The following LAMA2 variants were observed in gnomAD, a reference collection of about 807,000 sequenced individuals.
The protein encoded by LAMA2 is laminin subunit alpha-2.
A neutral mutation model predicts 364.8 loss-of-function variants in LAMA2; 269 were observed. The observed-to-expected ratio is 0.74, with a 90% CI of 0.67 to 0.82. The LOEUF (loss-of-function observed/expected upper bound fraction) is 0.82. Among genes scored for constraint, LAMA2 ranks in the 40% least tolerant of loss-of-function variants. The pLI is 0.00. For missense variants in LAMA2, 3,807 were observed against 3,873.2 expected, an observed-to-expected ratio of 0.98 and a Z score of 0.45; for synonymous variants, 1,379 against 1,370.6, an observed-to-expected ratio of 1.01 and a Z score of -0.14.
chr6:129,051,695 TCGATCTATAGATATCTATATCTATAG>T (rs1788045110), intron 2 of LAMA2, among the ~76,000 whole-genome samples: 1 of 98,198 alleles, frequency 1.0e-5, no homozygotes, highest in Non-Finnish European at 2.3e-5. Context: ...TATCTATAGA[TCGATCTATAGATATCTATATCTATAG>T]ATAGATATAT....
rs1562873136 is a variant in LAMA2, at chr6:128,961,354, T to TATATATATATTATATATATATATATA, written c.112+78007_112+78008insTATATATATATATATAATATATATAT. Among the ~76,000 whole-genome samples, 38 of 77,604 alleles carry TATATATATATTATATATATATATATA rather than the reference T, an allele frequency of 4.9e-4. 1 individual carries two copies. The highest frequency in any genetic ancestry group is 1.7e-3 in the African/African-American group (36 of 21,812). 50.9% of individuals were successfully genotyped at this position (77,604 alleles called of 152,430 possible). On this transcript the variant is annotated intron_variant, in intron 1 of 64. Transcript: ENST00000421865. ...ATATATATATATATATATATATATA[T>TATATATATATTATATATATATATATA]ATATATATATATATTAGTTTATTAA... is the stretch of plus-strand genomic sequence containing the variant.
rs145259006 is a variant in LAMA2, at chr6:129,094,914, G to A, written c.397-3259G>A. ...CTAATAGGACAAATACTCCAGGAAC[G>A]TATGCCTTAGTTCCTGCAGATGACA... On this transcript the variant is annotated intron_variant, in intron 3 of 64. Coordinates refer to ENST00000421865, the MANE Select transcript of LAMA2 (RefSeq NM_000426.4). Among the ~76,000 whole-genome samples the A allele has an allele frequency of 5.8e-3, 883 of 152,244 alleles. 8 individuals are homozygous for A. Among genetic ancestry groups the A allele is most frequent in the Non-Finnish European group, 8.2e-3 (560 of 68,020 alleles).
At chr6:129,004,499 TA>T (rs1462905597) in intron 1 of LAMA2, among the ~76,000 whole-genome samples, 8 of 151,682 alleles carry the variant, frequency 5.3e-5, no homozygotes, top group Admixed American at 2.0e-4. Context: ...GACTTGCACC[TA>T]TATGTACTTC....
At chr6:129,270,812 A>T in intron 17 of LAMA2, 61 bp downstream of exon 17, 1 of 1,500,550 alleles carries the variant, frequency 6.7e-7, no homozygotes, top group Non-Finnish European at 9.3e-7. Flanking sequence ...TACACTTTTC[A>T]TAGCAAATAT....
chr6:129,163,396 G>T (rs770433794), intron 8 of LAMA2, among the ~76,000 whole-genome samples: 23 of 152,164 alleles, frequency 1.5e-4, no homozygotes, highest in Non-Finnish European at 2.9e-4. Flanking sequence ...TACTTTGGAA[G>T]GCCGAAGCAG....
At chr6:128,938,834 C>T (rs1297089360) in intron 1 of LAMA2, among the ~76,000 whole-genome samples, 3 of 152,074 alleles carry the variant, frequency 2.0e-5, no homozygotes, top group Admixed American at 2.0e-4. Flanking sequence ...ACTCCCAAAC[C>T]TACTCCATGT....
intron 3 of LAMA2, among the ~76,000 whole-genome samples, chr6:129,083,018 AT>A (rs1472262474): frequency 6.6e-6 from 1 of 151,940 alleles, no homozygotes; most frequent in Non-Finnish European, 1.5e-5. Context: ...TTTTTATCTT[AT>A]AAAAAATAGT....
intron 1 of LAMA2, among the ~76,000 whole-genome samples, chr6:128,897,324 A>G (rs1026456683): frequency 2.6e-5 from 4 of 152,208 alleles, no homozygotes; most frequent in African/African-American, 4.8e-5. Flanking sequence ...AGAAGAGTCT[A>G]TGAACTTTTT....
At chr6:129,478,565 C>T (rs901841862) in intron 53 of LAMA2, 128 bp from the exon 54 acceptor site, 10 of 934,384 alleles carry the variant, frequency 1.1e-5, no homozygotes, top group South Asian at 6.8e-5. Context: ...GCTGGGTACA[C>T]GTGTGCACAG....
intron 37 of LAMA2, among the ~76,000 whole-genome samples, chr6:129,395,388 T>C (rs777063954): frequency 2.0e-5 from 3 of 152,204 alleles, no homozygotes; most frequent in Non-Finnish European, 2.9e-5. Flanking sequence ...TCAGGAAACG[T>C]GCTAGACACC....
intron 51 of LAMA2, among the ~76,000 whole-genome samples, chr6:129,467,309 T>G (rs186052933): frequency 5.3e-4 from 81 of 151,792 alleles, no homozygotes; most frequent in South Asian, 1.2e-3. Context: ...AAACAATGGA[T>G]ACACGAAGAC....
chr6:129,316,148 T>C lies in LAMA2; in HGVS notation c.4035T>C (p.Tyr1345=). The C allele has an allele frequency of 6.2e-7, 1 of 1,608,440 alleles. No homozygotes were observed. Among genetic ancestry groups the C allele is most frequent in the Non-Finnish European group, 8.5e-7 (1 of 1,175,768 alleles). The part of the protein sequence containing the change: ...DIHYILIKAT[Y]GNFMRQSRIS... Reference sequence around the variant, plus strand: ...ATTACATTCTTATCAAAGCTACTTATGGAAATTTCATGCGACAAAGCAGGT... The same window carrying C: ...ATTACATTCTTATCAAAGCTACTTACGGAAATTTCATGCGACAAAGCAGGT... The change falls in exon 27 of 65, where the codon TAT becomes TAC. Residue 1345 remains tyrosine (Y), a synonymous_variant. Coordinates refer to ENST00000421865, the MANE Select transcript of LAMA2 (RefSeq NM_000426.4).
intron 12 of LAMA2, among the ~76,000 whole-genome samples, chr6:129,228,886 G>T (rs1784498619): frequency 6.6e-6 from 1 of 152,162 alleles, no homozygotes; most frequent in African/African-American, 2.4e-5. Context: ...GACACTGAAA[G>T]GAATAACTAT....
chr6:129,309,940 C>T (rs1428274352), intron 22 of LAMA2, among the ~76,000 whole-genome samples: 1 of 139,492 alleles, frequency 7.2e-6, no homozygotes, highest in African/African-American at 2.8e-5. Context: ...CGCTCTGTCA[C>T]CCAGGCTGGA....
At position 128,888,309 on chromosome 6, in the gene LAMA2, A is replaced by G. The variant is rs562878988; in HGVS notation, c.112+4952A>G. Among the ~76,000 whole-genome samples the G allele has an allele frequency of 4.6e-5, 7 of 152,302 alleles. No individual in the cohort carries two copies. The South Asian group carries it at 1.4e-3, about 32-fold the overall frequency. Reference sequence around the variant, plus strand: ...GGCCTATATGCATTGGAATGTGGTAAATGAATGAATGTTTACAGTGAGTAA... The same window carrying G: ...GGCCTATATGCATTGGAATGTGGTAGATGAATGAATGTTTACAGTGAGTAA... On this transcript the variant is annotated intron_variant, in intron 1 of 64. Coordinates refer to ENST00000421865, the MANE Select transcript of LAMA2 (RefSeq NM_000426.4).
At chr6:129,384,776 C>T (rs1414882021) in intron 35 of LAMA2, among the ~76,000 whole-genome samples, 1 of 151,978 alleles carries the variant, frequency 6.6e-6, no homozygotes, top group Admixed American at 6.6e-5. Context: ...AGGTGTCTCT[C>T]GTTCCCTAAA....
intron 1 of LAMA2, among the ~76,000 whole-genome samples, chr6:128,933,955 C>G (rs2114522870): frequency 6.6e-6 from 1 of 152,240 alleles, no homozygotes; most frequent in Admixed American, 6.5e-5. Context: ...AGTTACACTT[C>G]TTTGTTTTTG....
At chr6:129,230,784 G>A (rs1369307478) in intron 12 of LAMA2, among the ~76,000 whole-genome samples, 1 of 152,072 alleles carries the variant, frequency 6.6e-6, no homozygotes, top group Non-Finnish European at 1.5e-5. Context: ...AACTGACGTT[G>A]TGGTTAAGCC....
intron 38 of LAMA2, among the ~76,000 whole-genome samples, chr6:129,401,565 C>T (rs943626879): frequency 6.6e-6 from 1 of 152,210 alleles, no homozygotes; most frequent in African/African-American, 2.4e-5. Context: ...CACATTCACA[C>T]ATATCTGTTT....
Sources: gnomAD v4.1 joint callset for allele counts (sites outside exome capture counted in the v4.1 genomes callset) on GRCh38, gnomAD v4.1.1 for gene constraint, MANE v1.5 for transcripts, NCBI Gene and HGNC (gene_info 2026-07-23, HGNC 2026-07-21) for gene names.